The following NBEA variants were observed in gnomAD, a reference collection of about 807,000 sequenced individuals.
NBEA encodes the protein lysosomal-trafficking regulator 2.
In NBEA, 44 loss-of-function variants were observed where a neutral mutation model predicts 343.4. The ratio of observed to expected loss-of-function variants is 0.13; its 90% CI spans 0.10 to 0.16. NBEA has a LOEUF of 0.16. Among genes scored for constraint, NBEA ranks in the 10% least tolerant of loss-of-function variants. The pLI, the probability that NBEA is intolerant of heterozygous loss-of-function variation, is 1.00. For missense variants in NBEA, 2,555 were observed against 3,631.3 expected (o/e 0.70, Z 7.62); for synonymous variants, 1,175 against 1,238.7 (o/e 0.95, Z 1.08).
chr13:35,660,444 A>G (rs946143217), intron 55 of NBEA, among the ~76,000 whole-genome samples: 9 of 152,172 alleles, frequency 5.9e-5, no homozygotes, highest in African/African-American at 2.2e-4. Context: ...TGTATAACAC[A>G]TTGTTATTAT....
At chr13:35,495,431 T>A (rs1276357331) in intron 41 of NBEA, among the ~76,000 whole-genome samples, 1 of 151,940 alleles carries the variant, frequency 6.6e-6, no homozygotes, top group Non-Finnish European at 1.5e-5. Context: ...AGTTGGAAAC[T>A]TCAATACCCC....
At chr13:35,060,495 T>G (rs535837986) in intron 8 of NBEA, among the ~76,000 whole-genome samples, 2 of 151,824 alleles carry the variant, frequency 1.3e-5, no homozygotes, top group South Asian at 4.2e-4. Flanking sequence ...CACAGTAGAG[T>G]ACCTAAAGTC....
At chr13:35,150,491 A>G (rs940607955) in intron 18 of NBEA, among the ~76,000 whole-genome samples, 4 of 152,166 alleles carry the variant, frequency 2.6e-5, no homozygotes, top group African/African-American at 4.8e-5. Flanking sequence ...ATGGGTATCA[A>G]TTTAATTTTT....
chr13:35,529,760 G>A (rs760638504), intron 41 of NBEA, among the ~76,000 whole-genome samples: 2 of 152,126 alleles, frequency 1.3e-5, no homozygotes, highest in South Asian at 2.1e-4. Context: ...CATGTCCTCA[G>A]TGGGTTGTAT....
intron 38 of NBEA, among the ~76,000 whole-genome samples, chr13:35,405,667 T>C (rs1323952602): frequency 9.2e-5 from 14 of 152,148 alleles, no homozygotes; most frequent in Non-Finnish European, 1.5e-4. Context: ...AATTGTACAA[T>C]TTAGCATTTA....
chr13:34,978,935 A>T (rs998095297), intron 1 of NBEA, among the ~76,000 whole-genome samples: 5 of 152,144 alleles, frequency 3.3e-5, no homozygotes, highest in African/African-American at 1.2e-4. Context: ...TTCACCCATG[A>T]GTCATTTTAA....
intron 58 of NBEA, among the ~76,000 whole-genome samples, chr13:35,670,483 C>T (rs1003660560): frequency 6.6e-6 from 1 of 151,996 alleles, no homozygotes; most frequent in Non-Finnish European, 1.5e-5. Context: ...ACCGAGAGGA[C>T]AAGAGGTGGA....
chr13:35,181,764 G>A (rs535970058), intron 28 of NBEA, among the ~76,000 whole-genome samples: 1 of 151,720 alleles, frequency 6.6e-6, no homozygotes, highest in South Asian at 2.1e-4. Context: ...TTTGTCAAAT[G>A]TTACCTGTTT....
intron 41 of NBEA, among the ~76,000 whole-genome samples, chr13:35,499,861 TCAGA>T (rs759985165): frequency 7.9e-5 from 12 of 152,180 alleles, no homozygotes; most frequent in South Asian, 4.1e-4. Context: ...CGCTGTCTGC[TCAGA>T]CAGTTTGTGT....
chr13:35,168,637 G>A (rs2070225276), intron 24 of NBEA, among the ~76,000 whole-genome samples: 1 of 151,320 alleles, frequency 6.6e-6, no homozygotes, highest in Non-Finnish European at 1.5e-5. Flanking sequence ...GAGGCATTAT[G>A]TTAGCTTATT....
intron 34 of NBEA, among the ~76,000 whole-genome samples, chr13:35,242,127 A>G (rs1446239325): frequency 6.6e-6 from 1 of 151,976 alleles, no homozygotes; most frequent in Non-Finnish European, 1.5e-5. Context: ...AACTGTCTTT[A>G]ATATGCCTAT....
intron 47 of NBEA, among the ~76,000 whole-genome samples, chr13:35,595,863 T>G (rs2081771014): frequency 6.6e-6 from 1 of 152,050 alleles, no homozygotes; most frequent in African/African-American, 2.4e-5. Flanking sequence ...AGTGAAAAAT[T>G]AAGTTATGTT....
intron 18 of NBEA, among the ~76,000 whole-genome samples, chr13:35,147,195 T>A (rs532322520): frequency 6.6e-6 from 1 of 152,252 alleles, no homozygotes; most frequent in Non-Finnish European, 1.5e-5. Flanking sequence ...GGCACAGATG[T>A]GGCCCTCATA....
rs75350476 is a variant in NBEA, at chr13:35,497,755, T to C, written c.6585+25219T>C. On this transcript the variant is annotated intron_variant, in intron 41 of 58. Transcript: ENST00000379939. ...AACTCTTACAGGTGTCTGGGAGATT[T>C]CAGACTATGTATTTATAATCTTATT... 7.5e-3 allele frequency among the ~76,000 whole-genome samples: 1,146 copies of C among 152,122 alleles called. 15 individuals carry two copies. Among genetic ancestry groups the C allele is most frequent in the African/African-American group, 0.026 (1,086 of 41,538 alleles).
At chr13:35,422,179 G>A (rs919704915) in intron 38 of NBEA, among the ~76,000 whole-genome samples, 2 of 148,566 alleles carry the variant, frequency 1.3e-5, no homozygotes, top group Non-Finnish European at 3.0e-5. Flanking sequence ...TTCAGTTTTA[G>A]GGTACATGTG....
intron 38 of NBEA, among the ~76,000 whole-genome samples, chr13:35,387,053 G>A (rs543525037): frequency 6.6e-6 from 1 of 152,042 alleles, no homozygotes; most frequent in East Asian, 1.9e-4. Context: ...ATATTAGATT[G>A]GTTTATAAGA....
chr13:35,389,722 T>C (rs1339744931), intron 38 of NBEA, among the ~76,000 whole-genome samples: 1 of 152,138 alleles, frequency 6.6e-6, no homozygotes, highest in Non-Finnish European at 1.5e-5. Flanking sequence ...GAGATTAGTC[T>C]GCTGTGATAG....
intron 41 of NBEA, among the ~76,000 whole-genome samples, chr13:35,484,258 GTGTGTGTGTGTGTGTGTA>G (rs916871283): frequency 2.5e-4 from 34 of 135,098 alleles, no homozygotes; most frequent in Admixed American, 1.0e-3. Flanking sequence ...GTGTGTGTGT[GTGTGTGTGTGTGTGTGTA>G]TATATATATA....
At chr13:35,229,489 T>C (rs1322666095) in intron 33 of NBEA, among the ~76,000 whole-genome samples, 1 of 152,194 alleles carries the variant, frequency 6.6e-6, no homozygotes, top group Non-Finnish European at 1.5e-5. Context: ...CTATATGTTC[T>C]TTGTATTTTT....
Sources: allele counts gnomAD v4.1 joint callset (sites outside exome capture counted in the v4.1 genomes callset), GRCh38; gene constraint gnomAD v4.1.1; transcripts MANE v1.5; gene names NCBI Gene and HGNC (gene_info 2026-07-23, HGNC 2026-07-21).